Variants in CENPE observed in about 807,000 individuals in gnomAD.
CENPE encodes the protein centromere-associated protein E.
CENPE carries 145 observed loss-of-function variants against 336.1 expected under a neutral mutation model. That is an observed-to-expected ratio of 0.43 (90% CI 0.38 to 0.50). The LOEUF (loss-of-function observed/expected upper bound fraction) is 0.50, where lower values mean the gene tolerates loss of function less well. Ranked by LOEUF, CENPE falls within the 20% of genes least tolerant of loss-of-function variation. The pLI is 0.00. For missense variants in CENPE, 2,719 were observed against 3,023.3 expected (o/e 0.90, Z 2.36); for synonymous variants, 1,013 against 984.8 (o/e 1.03, Z -0.54).
Position 103,180,385 on chromosome 4 carries a change from G to A in CENPE, c.1168C>T (p.Gln390Ter). The change falls in exon 13 of 49, where the codon CAG (glutamine) becomes TAG (stop). Residue 390 changes from glutamine to a stop codon, truncating the protein, a stop_gained. Coordinates refer to ENST00000265148, the MANE Select transcript of CENPE (RefSeq NM_001813.3). LOFTEE classifies it high-confidence loss of function. The stretch of plus-strand genomic sequence containing the variant: ...GTTAAGTTTTCAATTTTCTCATTCT[G>A]TACTTTCTGAAGCAAATCTTTTTCT... ...LEEKDLLQKV[Q>*]NEKIENLTRM... 6.2e-7 allele frequency: 1 copy of A among 1,613,062 alleles called. No homozygotes were observed. Among genetic ancestry groups the A allele is most frequent in the Non-Finnish European group, 8.5e-7 (1 of 1,179,368 alleles).
intron 10 of CENPE, 95 bp from the exon 11 acceptor site, chr4:103,182,986 G>T: frequency 1.6e-6 from 2 of 1,287,338 alleles, no homozygotes; most frequent in Non-Finnish European, 2.1e-6. Flanking sequence ...ATCAGCCAGA[G>T]TTTCAAAAAT....
chr4:103,172,785 T>C (rs1755520345), intron 16 of CENPE, among the ~76,000 whole-genome samples: 1 of 151,920 alleles, frequency 6.6e-6, no homozygotes, highest in African/African-American at 2.4e-5. Context: ...GTAGTATCTC[T>C]ATATGTTAAT....
chr4:103,144,185 C>G (rs1752810624), intron 33 of CENPE, 146 bp downstream of exon 33: 1 of 590,736 alleles, frequency 1.7e-6, no homozygotes, highest in Non-Finnish European at 2.9e-6. Context: ...ATCTGCCCGC[C>G]CTGGCCTCCC....
intron 45 of CENPE, 108 bp from the exon 46 acceptor site, chr4:103,114,660 C>T (rs1749919949): frequency 4.4e-6 from 3 of 683,310 alleles, no homozygotes; most frequent in Non-Finnish European, 7.6e-6. Flanking sequence ...TGACATAATG[C>T]CTGTAAGTGG....
intron 45 of CENPE, among the ~76,000 whole-genome samples, chr4:103,115,715 A>G (rs1750034218): frequency 6.6e-6 from 1 of 152,006 alleles, no homozygotes; most frequent in African/African-American, 2.4e-5. Context: ...ATGCATTAGT[A>G]AGTGAGAACA....
rs750285425 is a variant in CENPE at position 103,158,459 on chromosome 4, CTT to C, written c.2875-3_2875-2del. The C allele has an allele frequency of 2.6e-6, 4 of 1,543,444 alleles. No homozygotes were observed. Among genetic ancestry groups the C allele is most frequent in the Non-Finnish European group, 3.5e-6 (4 of 1,148,016 alleles). On this transcript the variant is annotated splice_acceptor_variant and splice_polypyrimidine_tract_variant and intron_variant, in intron 23 of 48. Coordinates refer to ENST00000265148, the MANE Select transcript of CENPE (RefSeq NM_001813.3). LOFTEE classifies it high-confidence loss of function. ...GTAATTGTTCTTGAGTATCTATATT[CTT>C]TGTTAGAAAAATATAAAAACAATTT...
At chr4:103,118,372 A>G (rs1002063516) in intron 44 of CENPE, among the ~76,000 whole-genome samples, 7 of 152,164 alleles carry the variant, frequency 4.6e-5, no homozygotes, top group African/African-American at 1.2e-4. Flanking sequence ...TGCCAATTTT[A>G]AGATTGATTG....
At chr4:103,169,575 G>A (rs1169007714) in intron 16 of CENPE, among the ~76,000 whole-genome samples, 2 of 152,168 alleles carry the variant, frequency 1.3e-5, no homozygotes, top group Non-Finnish European at 2.9e-5. Flanking sequence ...TTCCATTATG[G>A]TTAGCAGTAG....
At chr4:103,157,103 G>T (rs929569536) in intron 24 of CENPE, among the ~76,000 whole-genome samples, 3 of 149,034 alleles carry the variant, frequency 2.0e-5, no homozygotes, top group Non-Finnish European at 3.0e-5. Context: ...TGTTGGCAAA[G>T]GTGCATATAA....
chr4:103,165,824 A>C (rs902142841), intron 16 of CENPE, among the ~76,000 whole-genome samples: 1 of 151,956 alleles, frequency 6.6e-6, no homozygotes. Flanking sequence ...GTCTCTATAA[A>C]GAAAAAGTTT....
In CENPE at chr4:103,136,255, C is replaced by G. The variant is rs200997499; in HGVS notation, c.6408G>C (p.Met2136Ile). 6.2e-7 allele frequency: 1 copy of G among 1,613,648 alleles called. No individual in the cohort carries two copies. Among genetic ancestry groups the G allele is most frequent in the East Asian group, 2.2e-5 (1 of 44,804 alleles). ...GAAGTGAGAGGTTTGCTTTAACTCT[C>G]ATTGAAAGCTCTTTTTGGAATTCAA... ...KEIEFQKELS[M>I]RVKANLSLPY... The change falls in exon 40 of 49, where the codon ATG (methionine) becomes ATC (isoleucine). Residue 2136 changes from methionine (M) to isoleucine (I), a missense_variant. Met to Ile is a conservative substitution (Grantham distance 10, BLOSUM62 1). Transcript: ENST00000265148.
chr4:103,178,799 G>A (rs905219461), intron 13 of CENPE, among the ~76,000 whole-genome samples: 4 of 152,142 alleles, frequency 2.6e-5, no homozygotes, highest in African/African-American at 9.7e-5. Flanking sequence ...AACCTGGGCT[G>A]CTTTATGGAT....
chr4:103,180,616 A>G (rs567592907), intron 12 of CENPE, 147 bp from the exon 13 acceptor site: 1 of 542,888 alleles, frequency 1.8e-6, no homozygotes, highest in African/African-American at 1.9e-5. Flanking sequence ...CTAACTGTAG[A>G]ACACCAAAAT....
intron 29 of CENPE, 41 bp from the exon 30 acceptor site, chr4:103,146,148 T>C: frequency 6.4e-7 from 1 of 1,563,962 alleles, no homozygotes. Context: ...TATCCAGAGA[T>C]ATTGTGTTTT....
rs778360631 is a variant in CENPE at position 103,136,371 on chromosome 4, G to A, written c.6304-12C>T. On this transcript the variant is annotated splice_polypyrimidine_tract_variant and intron_variant, in intron 39 of 48. Coordinates refer to ENST00000265148, the MANE Select transcript of CENPE (RefSeq NM_001813.3). The stretch of plus-strand genomic sequence containing the variant: ...CTCTTCAAAAGCTCCTAAAGGAAAT[G>A]AGAATTCACTCAATTTATAACAATT... 1.9e-6 allele frequency: 3 copies of A among 1,553,570 alleles called. No individual in the cohort carries two copies. The highest frequency in any genetic ancestry group is 2.7e-5 in the African/African-American group (2 of 73,206).
At chr4:103,153,703 T>C (rs1753745819) in intron 24 of CENPE, among the ~76,000 whole-genome samples, 2 of 152,226 alleles carry the variant, frequency 1.3e-5, no homozygotes, top group Admixed American at 1.3e-4. Context: ...TTTCCAAGTT[T>C]CATTCTAGTA....
rs755305823 is a variant in CENPE, at chr4:103,163,152, G to C, written c.1827C>G (p.Asp609Glu). Residue 609 changes from aspartate (D) to glutamate (E), a missense_variant, in exon 18 of 49, where the codon GAC (aspartate) becomes GAG (glutamate). Asp to Glu is a conservative substitution (Grantham distance 45). This residue lies in a region of CENPE where 2,437 missense variants were observed against 2,513.3 expected (regional missense o/e 0.97). Coordinates refer to ENST00000265148, the MANE Select transcript of CENPE (RefSeq NM_001813.3). ...TGATTTTTACCAATGAGTATGACAA[G>C]TCCATTTTTATATTTTCTAGCTTTT... ...DSQKLENIKM[D>E]LSYSLESIED... 1.2e-6 allele frequency: 2 copies of C among 1,608,148 alleles called. No homozygotes were observed. The highest frequency in any genetic ancestry group is 1.7e-6 in the Non-Finnish European group (2 of 1,177,570).
chr4:103,114,646 A>G (rs1220654251), intron 45 of CENPE, 94 bp from the exon 46 acceptor site: 2 of 740,140 alleles, frequency 2.7e-6, no homozygotes, highest in Non-Finnish European at 4.6e-6. Flanking sequence ...CTAACACATC[A>G]CATTGACATA....
intron 11 of CENPE, among the ~76,000 whole-genome samples, chr4:103,182,470 G>C (rs1277399559): frequency 6.6e-6 from 1 of 151,928 alleles, no homozygotes; most frequent in Non-Finnish European, 1.5e-5. Context: ...CCCATTGATA[G>C]GACTAATATT....
Sources: gnomAD v4.1 joint callset for allele counts (sites outside exome capture counted in the v4.1 genomes callset) on GRCh38, gnomAD v4.1.1 for gene constraint, gnomAD v4.1.1 regional missense constraint, MANE v1.5 for transcripts, NCBI Gene and HGNC (gene_info 2026-07-23, HGNC 2026-07-21) for gene names.